The following THADA variants were observed in gnomAD, a reference collection of about 807,000 sequenced individuals.
THADA encodes tRNA (32-2'-O)-methyltransferase regulator THADA.
THADA carries 213 observed loss-of-function variants against 219.8 expected under a neutral mutation model. The ratio of observed to expected loss-of-function variants is 0.97; its 90% CI spans 0.87 to 1.09. The LOEUF is 1.09. Among genes scored for constraint, THADA ranks in the 50% least tolerant of loss-of-function variants. The probability of loss-of-function intolerance (pLI) is 0.00; values close to 1 mark genes in which losing one functional copy is unlikely to be tolerated. For synonymous variants in THADA, 1,018 were observed against 828.9 expected (o/e 1.23, Z -3.92); for missense variants, 2,956 against 2,311.3 (o/e 1.28, Z -5.72).
chr2:43,315,523 T>A (rs1651152980), intron 31 of THADA, among the ~76,000 whole-genome samples: 2 of 152,114 alleles, frequency 1.3e-5, no homozygotes, highest in South Asian at 4.1e-4. Flanking sequence ...ACTGCAATGG[T>A]GTGATCACAG....
intron 36 of THADA, among the ~76,000 whole-genome samples, chr2:43,259,210 T>G (rs1670670622): frequency 6.6e-6 from 1 of 152,202 alleles, no homozygotes; most frequent in African/African-American, 2.4e-5. Context: ...AAAGTGATAC[T>G]GATAGGGGTC....
intron 36 of THADA, among the ~76,000 whole-genome samples, chr2:43,243,854 T>C (rs1668861027): frequency 6.6e-6 from 1 of 152,242 alleles, no homozygotes; most frequent in Admixed American, 6.5e-5. Flanking sequence ...TTCCCCAGAA[T>C]ACCTGCAGGT....
chr2:43,490,309 T>C (rs528751619), intron 25 of THADA, among the ~76,000 whole-genome samples: 2 of 152,306 alleles, frequency 1.3e-5, no homozygotes, highest in African/African-American at 4.8e-5. Context: ...CATCTTCCTT[T>C]ACTGGATAAC....
At chr2:43,499,306 T>G (rs982961757) in intron 24 of THADA, among the ~76,000 whole-genome samples, 9 of 152,318 alleles carry the variant, frequency 5.9e-5, no homozygotes, top group Non-Finnish European at 8.8e-5. Flanking sequence ...AAATACCAAG[T>G]AATTAATAAC....
intron 28 of THADA, among the ~76,000 whole-genome samples, chr2:43,415,217 T>C (rs1004255897): frequency 3.3e-5 from 5 of 152,220 alleles, no homozygotes; most frequent in Non-Finnish European, 7.3e-5. Flanking sequence ...ATCAAAACCA[T>C]ATACTAAAAG....
chr2:43,556,172 A>C (rs1193276808), intron 17 of THADA, 173 bp downstream of exon 17: 3 of 1,323,448 alleles, frequency 2.3e-6, no homozygotes, highest in Non-Finnish European at 3.0e-6. Context: ...AGAAAAAAGT[A>C]TTATAGCTGA....
At chr2:43,556,229 C>G in intron 17 of THADA, 116 bp downstream of exon 17, 1 of 1,508,724 alleles carries the variant, frequency 6.6e-7, no homozygotes, top group South Asian at 1.4e-5. Context: ...CTCTTATATG[C>G]TGATAAACTT....
In THADA at chr2:43,232,803, C is replaced by A; in HGVS notation, c.5376G>T (p.Trp1792Cys). ...TGGGCAGTCCAGGGGCCAACTGGTC[C>A]CACTGCTGGAGCAGATCACACAGGA... Reference protein sequence around the residue: ...LAVLCDLLQQWDQLAPGLPIL... With the variant: ...LAVLCDLLQQCDQLAPGLPIL... The change falls in exon 37 of 38, where the codon TGG becomes TGT. Residue 1792 changes from tryptophan (W) to cysteine (C), a missense_variant. Coordinates refer to ENST00000405975, the MANE Select transcript of THADA (RefSeq NM_022065.5). 2 of 1,613,402 alleles carry A rather than the reference C, an allele frequency of 1.2e-6. No individual in the cohort carries two copies. The highest frequency in any genetic ancestry group is 1.7e-6 in the Non-Finnish European group (2 of 1,179,718).
At chr2:43,578,801 T>C (rs1333433478) in intron 8 of THADA, among the ~76,000 whole-genome samples, 194 bp from the exon 9 acceptor site, 1 of 152,358 alleles carries the variant, frequency 6.6e-6, no homozygotes, top group East Asian at 1.9e-4. Flanking sequence ...GGGATAACTC[T>C]TAACTGAGGC....
At chr2:43,309,218 C>G (rs116539085) in intron 31 of THADA, among the ~76,000 whole-genome samples, 1 of 152,138 alleles carries the variant, frequency 6.6e-6, no homozygotes, top group African/African-American at 2.4e-5. Context: ...AAAAGATGCT[C>G]AACATTATCA....
chr2:43,267,412 G>C (rs1490829658), intron 36 of THADA, among the ~76,000 whole-genome samples: 5 of 152,190 alleles, frequency 3.3e-5, no homozygotes, highest in Non-Finnish European at 5.9e-5. Context: ...TTAGGACCTG[G>C]TAAAAATAAG....
Position 43,592,013 on chromosome 2 carries a change from G to C in THADA, c.110C>G (p.Ser37Cys), listed in dbSNP as rs1299881624. 1 of 1,563,218 alleles carries C rather than the reference G, an allele frequency of 6.4e-7. No individual in the cohort carries two copies. Among genetic ancestry groups the C allele is most frequent in the Admixed American group, 1.9e-5 (1 of 52,154 alleles). The change falls in exon 3 of 38, where the codon TCT becomes TGT. Residue 37 changes from serine to cysteine, a missense_variant. Transcript: ENST00000405975. ...GAGTTGCACACAATGTAACAGCAAA[G>C]AAGCTAGATTTTTCCCTTCCACATC... ...FADVEGKNLA[S>C]LLLHCVQLTD...
Position 43,498,939 on chromosome 2 carries a change from A to C in THADA, c.3638T>G (p.Ile1213Ser), listed in dbSNP as rs1260767989. 2.5e-6 allele frequency: 4 copies of C among 1,572,530 alleles called. No homozygotes were observed. The South Asian group carries it at 3.5e-5, about 14-fold the overall frequency. The change falls in exon 25 of 38, where the codon ATC becomes AGC. Residue 1213 changes from isoleucine to serine, a missense_variant. Transcript: ENST00000405975. ...CGTATCTCTGAACAATGCTCTAAGG[A>C]TATTTAAAGCATGAACCTAAAACAA... ...STVPQVHALN[I>S]LRALFRDTRL...
At chr2:43,402,621 G>A (rs80332270) in intron 28 of THADA, among the ~76,000 whole-genome samples, 12,906 of 152,158 alleles carry the variant, frequency 0.085, 653 homozygotes, top group Middle Eastern at 0.12. Context: ...ACACACATCC[G>A]TAGGGACATC....
intron 29 of THADA, among the ~76,000 whole-genome samples, chr2:43,362,058 C>G (rs1057274572): frequency 6.6e-6 from 1 of 152,206 alleles, no homozygotes; most frequent in African/African-American, 2.4e-5. Context: ...AAAGCACATT[C>G]TTATTTTCTT....
chr2:43,389,832 C>T (rs997193039), intron 29 of THADA, among the ~76,000 whole-genome samples: 3 of 152,210 alleles, frequency 2.0e-5, no homozygotes, highest in African/African-American at 4.8e-5. Context: ...CCTGGTCTTG[C>T]CTCTCAGATG....
intron 22 of THADA, among the ~76,000 whole-genome samples, chr2:43,514,638 T>C (rs1558887658): frequency 1.2e-5 from 1 of 83,044 alleles, no homozygotes; most frequent in Non-Finnish European, 2.1e-5. Context: ...ATGTATATTT[T>C]ATATATAATA....
At chr2:43,561,842 C>T (rs1698102547) in intron 15 of THADA, among the ~76,000 whole-genome samples, 1 of 152,122 alleles carries the variant, frequency 6.6e-6, no homozygotes, top group African/African-American at 2.4e-5. Context: ...AGGACAAAAG[C>T]TTTCAGTTTC....
At chr2:43,351,654 A>G (rs1668279444) in intron 29 of THADA, among the ~76,000 whole-genome samples, 1 of 152,048 alleles carries the variant, frequency 6.6e-6, no homozygotes, top group Admixed American at 6.6e-5. Flanking sequence ...TGGCAGGGAG[A>G]GGGGCTGAAA....
Sources: allele counts gnomAD v4.1 joint callset (sites outside exome capture counted in the v4.1 genomes callset), GRCh38; gene constraint gnomAD v4.1.1; transcripts MANE v1.5; gene names NCBI Gene and HGNC (gene_info 2026-07-23, HGNC 2026-07-21).